Variants in MBD5 observed in about 807,000 individuals in gnomAD.
MBD5 encodes the protein methyl-CpG-binding domain protein 5.
A neutral mutation model predicts 117.3 loss-of-function variants in MBD5; 13 were observed. The observed-to-expected ratio is 0.11, with a 90% CI of 0.07 to 0.18. The LOEUF (loss-of-function observed/expected upper bound fraction) is 0.18. Ranked by LOEUF, MBD5 falls within the 10% of genes least tolerant of loss-of-function variation. The pLI, the probability that MBD5 is intolerant of heterozygous loss-of-function variation, is 1.00. For synonymous variants in MBD5, 727 were observed against 766.4 expected, an observed-to-expected ratio of 0.95 and a Z score of 0.85; for missense variants, 1,879 against 2,093.8, an observed-to-expected ratio of 0.90 and a Z score of 2.00.
In MBD5 at chr2:148,492,165, G is replaced by T. The variant is rs183861814; in HGVS notation, c.4962+1571G>T. On this transcript the variant is annotated intron_variant, in intron 11 of 13. Transcript: ENST00000642680. Reference sequence around the variant, plus strand: ...TGAGGTATTCACTGATGTTAGGGGAGATGTACTTTAAAAAAAAAAAACGAA... The same window carrying T: ...TGAGGTATTCACTGATGTTAGGGGATATGTACTTTAAAAAAAAAAAACGAA... Among the ~76,000 whole-genome samples the T allele has an allele frequency of 2.7e-3, 411 of 150,508 alleles. 2 individuals are homozygous for T. Among genetic ancestry groups the T allele is most frequent in the Non-Finnish European group, 3.7e-3 (253 of 67,668 alleles).
chr2:148,230,438 A>G (rs1158131065), intron 2 of MBD5, among the ~76,000 whole-genome samples: 1 of 152,042 alleles, frequency 6.6e-6, no homozygotes, highest in East Asian at 1.9e-4. Context: ...CTCACCCTTC[A>G]GGGCAGCAGG....
intron 4 of MBD5, among the ~76,000 whole-genome samples, chr2:148,366,319 A>G: frequency 1.7e-5 from 1 of 59,670 alleles, no homozygotes; most frequent in East Asian, 1.1e-3. Flanking sequence ...TATTGATGGA[A>G]CGTATCTCAA....
chr2:148,209,644 A>C (rs570199008), intron 2 of MBD5, among the ~76,000 whole-genome samples: 8 of 152,200 alleles, frequency 5.3e-5, no homozygotes, highest in African/African-American at 1.9e-4. Context: ...GCATTTATAA[A>C]GGAAAAAGAT....
At chr2:148,236,341 C>T (rs1380472253) in intron 3 of MBD5, among the ~76,000 whole-genome samples, 2 of 152,100 alleles carry the variant, frequency 1.3e-5, no homozygotes, top group Non-Finnish European at 2.9e-5. Context: ...AAGGCAGATA[C>T]AGCCTTAAAA....
intron 3 of MBD5, among the ~76,000 whole-genome samples, chr2:148,273,601 C>T (rs1701035633): frequency 6.6e-6 from 1 of 152,082 alleles, no homozygotes; most frequent in South Asian, 2.1e-4. Flanking sequence ...GCTTCAACCC[C>T]CTGTGATTTC....
rs965787226 is a variant in MBD5, at chr2:148,169,966, C to T, written c.-924-8734C>T. 2.6e-5 allele frequency among the ~76,000 whole-genome samples: 4 copies of T among 151,164 alleles called. No homozygotes were observed. In the South Asian group the frequency reaches 6.3e-4, roughly 24 times the overall value. ...AGGCTGGAGTGCAGTGGCGCGATCT[C>T]GGCTCACTGCAAGCTCCGCCTCCCG... On this transcript the variant is annotated intron_variant, in intron 1 of 13. Transcript: ENST00000642680.
At chr2:148,325,879 T>A (rs1440668395) in intron 3 of MBD5, among the ~76,000 whole-genome samples, 4 of 152,210 alleles carry the variant, frequency 2.6e-5, no homozygotes, top group Non-Finnish European at 5.9e-5. Context: ...TTCAGCTAGC[T>A]TTTGAATGTG....
At chr2:148,092,831 T>C (rs1223031829) in intron 1 of MBD5, among the ~76,000 whole-genome samples, 1 of 148,900 alleles carries the variant, frequency 6.7e-6, no homozygotes, top group Non-Finnish European at 1.5e-5. Flanking sequence ...AAAAAAAATT[T>C]AAACAAAACA....
chr2:148,293,342 G>T (rs775781921), intron 3 of MBD5, among the ~76,000 whole-genome samples: 1 of 151,956 alleles, frequency 6.6e-6, no homozygotes, highest in East Asian at 1.9e-4. Flanking sequence ...GCATAATAGA[G>T]TGACTATAGT....
At chr2:148,042,317 A>G (rs1558899377) in intron 1 of MBD5, among the ~76,000 whole-genome samples, 1 of 152,158 alleles carries the variant, frequency 6.6e-6, no homozygotes, top group Non-Finnish European at 1.5e-5. Context: ...CCTATATAAC[A>G]TTTTAAAGTT....
At chr2:148,380,096 A>G (rs1278624717) in intron 4 of MBD5, among the ~76,000 whole-genome samples, 1 of 152,200 alleles carries the variant, frequency 6.6e-6, no homozygotes, top group Non-Finnish European at 1.5e-5. Flanking sequence ...AAAACTGGGC[A>G]TCAATTTTAA....
At position 148,470,233 on chromosome 2, in the gene MBD5, G is replaced by T; in HGVS notation, c.2290G>T (p.Ala764Ser). 6.2e-7 allele frequency: 1 copy of T among 1,613,920 alleles called. No homozygotes were observed. The highest frequency in any genetic ancestry group is 8.5e-7 in the Non-Finnish European group (1 of 1,179,884). ...LRGEAVHCHN[A>S]NTNFVHSNSP... ...AGGGGAAGCCGTGCACTGCCACAATGCAAACACTAACTTTGTTCACAGTAA... is the reference window on the plus strand; with the variant it reads ...AGGGGAAGCCGTGCACTGCCACAATTCAAACACTAACTTTGTTCACAGTAA... Residue 764 changes from alanine to serine, a missense_variant, in exon 8 of 14, where the codon GCA (alanine) becomes TCA (serine). Ala to Ser is a moderately conservative substitution (Grantham distance 99). Transcript: ENST00000642680.
chr2:148,354,568 A>G (rs184302393), intron 4 of MBD5, among the ~76,000 whole-genome samples: 43 of 152,346 alleles, frequency 2.8e-4, no homozygotes, highest in Middle Eastern at 3.4e-3. Context: ...TAGTGCTGCA[A>G]TAAACATACA....
At chr2:148,328,399 C>T (rs995634763) in intron 3 of MBD5, among the ~76,000 whole-genome samples, 1 of 152,240 alleles carries the variant, frequency 6.6e-6, no homozygotes, top group African/African-American at 2.4e-5. Flanking sequence ...GCTTTGTTTA[C>T]CTAAGCAAGC....
At chr2:148,507,525 C>T (rs1026965748) in intron 12 of MBD5, among the ~76,000 whole-genome samples, 1 of 151,936 alleles carries the variant, frequency 6.6e-6, no homozygotes, top group Non-Finnish European at 1.5e-5. Context: ...TTTGGGAGGC[C>T]GAGGCGGGCA....
rs773118482 is a variant in MBD5 at position 148,021,481 on chromosome 2, TTGC to T, written c.-1114_-1112del. The T allele has an allele frequency of 1.3e-4, 72 of 572,834 alleles. No homozygotes were observed. The highest frequency in any genetic ancestry group is 1.4e-4 in the South Asian group (9 of 66,112). The allele number at this position is 572,834 out of a possible 1,614,324, so 35.5% of individuals were successfully genotyped here. A position where few individuals can be genotyped will look rare whatever the true frequency, so the allele number is the denominator to read the frequency against. ...GCTGCTGTTGCTGCTGCTGCTGCTG[TTGC>T]TGCTGCTGCTGCTACTGCTGCTGCT... is the stretch of plus-strand genomic sequence containing the variant. On this transcript the variant is annotated 5_prime_UTR_variant, in exon 1 of 14. Coordinates refer to ENST00000642680, the MANE Select transcript of MBD5 (RefSeq NM_001378120.1).
chr2:148,326,728 G>T (rs1702462733), intron 3 of MBD5, among the ~76,000 whole-genome samples: 1 of 152,030 alleles, frequency 6.6e-6, no homozygotes, highest in South Asian at 2.1e-4. Context: ...GCCTATGTGT[G>T]TCTCTGCCTG....
At chr2:148,042,545 G>A (rs868693235) in intron 1 of MBD5, among the ~76,000 whole-genome samples, 3 of 151,294 alleles carry the variant, frequency 2.0e-5, no homozygotes, top group South Asian at 2.1e-4. Context: ...TTACCATATC[G>A]AGCCTCAGTA....
intron 4 of MBD5, among the ~76,000 whole-genome samples, chr2:148,366,249 A>G (rs1308817883): frequency 6.6e-6 from 1 of 152,144 alleles, no homozygotes; most frequent in Non-Finnish European, 1.5e-5. Context: ...CAATAGATGC[A>G]AAAAAGGCCT....
Sources: allele counts gnomAD v4.1 joint callset (sites outside exome capture counted in the v4.1 genomes callset), GRCh38; gene constraint gnomAD v4.1.1; transcripts MANE v1.5; gene names NCBI Gene and HGNC (gene_info 2026-07-23, HGNC 2026-07-21).